Variants in FSTL4 observed in about 807,000 individuals in gnomAD.
FSTL4 encodes the protein follistatin-related protein 4.
Under a neutral mutation model 78.2 loss-of-function variants are expected in FSTL4, and 28 were observed. The ratio of observed to expected loss-of-function variants is 0.36; its 90% CI spans 0.27 to 0.49. The LOEUF (loss-of-function observed/expected upper bound fraction) is 0.49. Among genes scored for constraint, FSTL4 ranks in the 20% least tolerant of loss-of-function variants. The pLI is 0.98. For missense variants in FSTL4, 922 were observed against 1,084.9 expected (o/e 0.85, Z 2.11); for synonymous variants, 422 against 440.5 (o/e 0.96, Z 0.53).
chr5:133,568,111 G>A (rs1313564659), intron 2 of FSTL4, among the ~76,000 whole-genome samples: 1 of 152,174 alleles, frequency 6.6e-6, no homozygotes, highest in Non-Finnish European at 1.5e-5. Context: ...GGAAAATGTT[G>A]GGTGGTATGA....
intron 3 of FSTL4, among the ~76,000 whole-genome samples, chr5:133,508,973 G>C (rs1342594341): frequency 1.3e-5 from 2 of 152,000 alleles, no homozygotes; most frequent in Non-Finnish European, 2.9e-5. Flanking sequence ...ATCCTTCCTT[G>C]TTTCTCAAGG....
chr5:133,495,143 C>T (rs1436695977), intron 3 of FSTL4, among the ~76,000 whole-genome samples: 1 of 152,216 alleles, frequency 6.6e-6, no homozygotes, highest in East Asian at 1.9e-4. Flanking sequence ...TGCTAGCCCA[C>T]TTACACACCG....
intron 4 of FSTL4, among the ~76,000 whole-genome samples, chr5:133,373,100 G>C (rs1443791835): frequency 6.6e-6 from 1 of 152,158 alleles, no homozygotes; most frequent in Non-Finnish European, 1.5e-5. Context: ...ATGTGAGCAT[G>C]CAACAAAAAG....
At chr5:133,662,303 T>C in the FSTL4 span, among the ~76,000 whole-genome samples, 2 of 152,378 alleles carry the variant, frequency 1.3e-5, no homozygotes, top group East Asian at 1.9e-4. Context: ...TTTACATATT[T>C]TACTTTTCCA....
intron 3 of FSTL4, among the ~76,000 whole-genome samples, chr5:133,414,823 T>C (rs1756545336): frequency 6.6e-6 from 1 of 152,192 alleles, no homozygotes; most frequent in Non-Finnish European, 1.5e-5. Context: ...CCTAGGAGCC[T>C]GGGTTATTGC....
the FSTL4 span, among the ~76,000 whole-genome samples, chr5:133,841,633 G>A: frequency 1.3e-5 from 2 of 152,180 alleles, no homozygotes; most frequent in Admixed American, 6.5e-5. Context: ...AGTAGAGGAC[G>A]GTAAGGCTCA....
At chr5:133,498,530 C>T (rs1357331981) in intron 3 of FSTL4, among the ~76,000 whole-genome samples, 2 of 152,102 alleles carry the variant, frequency 1.3e-5, no homozygotes, top group Non-Finnish European at 2.9e-5. Context: ...ATCAGCCTGG[C>T]TAACATGGTG....
the FSTL4 span, among the ~76,000 whole-genome samples, chr5:133,716,735 T>C: frequency 2.0e-5 from 3 of 152,204 alleles, no homozygotes; most frequent in African/African-American, 7.2e-5. Context: ...GTGTGCCAGG[T>C]ACATTAGGCA....
intron 2 of FSTL4, among the ~76,000 whole-genome samples, chr5:133,575,530 T>C (rs868531603): frequency 6.6e-6 from 1 of 152,140 alleles, no homozygotes; most frequent in Non-Finnish European, 1.5e-5. Flanking sequence ...AACATTACCA[T>C]TCATGAAAAG....
chr5:133,525,809 G>A lies in FSTL4; in HGVS notation c.160+41377C>T, dbSNP rs202200606. ...CGAGGTCCCTCAGCTGACCAGTGCA[G>A]GACTCGGACCAGAATCTGGACTTCT... On this transcript the variant is annotated intron_variant, in intron 3 of 15. Coordinates refer to ENST00000265342, the MANE Select transcript of FSTL4 (RefSeq NM_015082.2). Among the ~76,000 whole-genome samples the A allele has an allele frequency of 2.2e-4, 33 of 152,348 alleles. 1 individual carries two copies. The East Asian group carries it at 6.0e-3, about 28-fold the overall frequency.
intron 12 of FSTL4, among the ~76,000 whole-genome samples, chr5:133,218,869 C>T (rs1044169222): frequency 6.6e-6 from 1 of 152,196 alleles, no homozygotes; most frequent in Non-Finnish European, 1.5e-5. Context: ...TCCTCCTTCA[C>T]TAGATTGTAA....
At position 133,296,796 on chromosome 5, in the gene FSTL4, C is replaced by G. The variant is rs542031901; in HGVS notation, c.727+15858G>C. Among the ~76,000 whole-genome samples, 32 of 152,358 alleles carry G rather than the reference C, an allele frequency of 2.1e-4. 1 individual carries two copies. In the South Asian group the frequency reaches 6.4e-3, roughly 31 times the overall value. On this transcript the variant is annotated intron_variant, in intron 6 of 15. Coordinates refer to ENST00000265342, the MANE Select transcript of FSTL4 (RefSeq NM_015082.2). ...TGTCTCCTCCCTGTAATACAAGTTCCGTGAGGGCAAGAGTTTTTGTCTGTG... is the reference window on the plus strand; with the variant it reads ...TGTCTCCTCCCTGTAATACAAGTTCGGTGAGGGCAAGAGTTTTTGTCTGTG...
the FSTL4 span, among the ~76,000 whole-genome samples, chr5:133,639,166 C>G: frequency 6.6e-6 from 1 of 152,048 alleles, no homozygotes. Context: ...GTGTTGTTCC[C>G]CTCCCTGTGT....
intron 6 of FSTL4, among the ~76,000 whole-genome samples, chr5:133,256,772 C>A (rs188583409): frequency 1.3e-5 from 2 of 152,344 alleles, no homozygotes; most frequent in East Asian, 3.9e-4. Flanking sequence ...TTGCATCTGT[C>A]CCAAATCTCC....
At chr5:133,229,251 G>A (rs778719181) in intron 8 of FSTL4, among the ~76,000 whole-genome samples, 2 of 152,232 alleles carry the variant, frequency 1.3e-5, no homozygotes, top group African/African-American at 2.4e-5. Context: ...GCCAGGCACC[G>A]TGGCTCATGT....
the FSTL4 span, among the ~76,000 whole-genome samples, chr5:133,739,986 A>G: frequency 6.7e-6 from 1 of 150,248 alleles, no homozygotes; most frequent in Non-Finnish European, 1.5e-5. Flanking sequence ...TCAATCTCCC[A>G]GGCTCAAGCA....
chr5:133,527,471 G>GTA (rs1561457441), intron 3 of FSTL4, among the ~76,000 whole-genome samples: 1 of 113,590 alleles, frequency 8.8e-6, no homozygotes, highest in Non-Finnish European at 1.9e-5. Flanking sequence ...ATGTGCACGT[G>GTA]TACACACACA....
At chr5:133,553,273 T>G (rs1759725328) in intron 3 of FSTL4, among the ~76,000 whole-genome samples, 1 of 152,190 alleles carries the variant, frequency 6.6e-6, no homozygotes, top group Non-Finnish European at 1.5e-5. Context: ...TCTCGGACGT[T>G]TCTTTTCCAT....
At chr5:133,647,904 G>A in the FSTL4 span, among the ~76,000 whole-genome samples, 7 of 152,126 alleles carry the variant, frequency 4.6e-5, no homozygotes, top group South Asian at 4.1e-4. Flanking sequence ...GGACCCAGTG[G>A]GAGGTAATTG....
Sources: gnomAD v4.1 joint callset for allele counts (sites outside exome capture counted in the v4.1 genomes callset) on GRCh38, gnomAD v4.1.1 for gene constraint, MANE v1.5 for transcripts, NCBI Gene and HGNC (gene_info 2026-07-23, HGNC 2026-07-21) for gene names.